Variants in ZFAND6 observed in about 807,000 individuals in gnomAD.
The protein encoded by ZFAND6 is AN1-type zinc finger protein 6.
ZFAND6 carries 12 observed loss-of-function variants against 24.5 expected under a neutral mutation model. The ratio of observed to expected loss-of-function variants is 0.49; its 90% CI spans 0.31 to 0.79. ZFAND6 has a LOEUF of 0.79. ZFAND6 is among the 30% of genes least tolerant of loss of function. The pLI is 0.04. For missense variants in ZFAND6, 207 were observed against 245.9 expected (o/e 0.84, Z 1.06); for synonymous variants, 92 against 81.5 (o/e 1.13, Z -0.69).
chr15:80,069,238 AAAATTTATGACTTAAAATCTT>A (rs1271403510), intron 1 of ZFAND6, among the ~76,000 whole-genome samples: 1 of 152,216 alleles, frequency 6.6e-6, no homozygotes, highest in Non-Finnish European at 1.5e-5. Flanking sequence ...TTGGCACATG[AAAATTTATGACTTAAAATCTT>A]AATAGTTGAG....
intron 2 of ZFAND6, among the ~76,000 whole-genome samples, chr15:80,105,826 G>A (rs998523987): frequency 2.0e-5 from 3 of 152,098 alleles, no homozygotes; most frequent in African/African-American, 4.8e-5. Context: ...GGTGTGTTAC[G>A]TTTTAACTGA....
chr15:80,080,197 A>G (rs773621684), intron 1 of ZFAND6, among the ~76,000 whole-genome samples: 23 of 151,678 alleles, frequency 1.5e-4, no homozygotes, highest in East Asian at 3.9e-4. Context: ...GGGTTTCACC[A>G]TGTTGGCCAG....
intron 2 of ZFAND6, among the ~76,000 whole-genome samples, chr15:80,102,429 G>T (rs1469856217): frequency 1.3e-5 from 2 of 152,114 alleles, no homozygotes; most frequent in Non-Finnish European, 2.9e-5. Context: ...AGTTACTTTT[G>T]AATAAAGGTA....
chr15:80,086,974 A>G (rs1171625419), intron 1 of ZFAND6, among the ~76,000 whole-genome samples: 1 of 152,208 alleles, frequency 6.6e-6, no homozygotes, highest in Non-Finnish European at 1.5e-5. Context: ...GTTCATCCAG[A>G]TTGTAGTATG....
intron 1 of ZFAND6, among the ~76,000 whole-genome samples, chr15:80,063,167 A>G (rs188113408): frequency 6.6e-6 from 1 of 152,358 alleles, no homozygotes. Flanking sequence ...AACGTTAGTC[A>G]CAAATGGGAG....
intron 1 of ZFAND6, among the ~76,000 whole-genome samples, chr15:80,091,291 A>G (rs1054639414): frequency 1.3e-5 from 2 of 152,064 alleles, no homozygotes; most frequent in African/African-American, 2.4e-5. Flanking sequence ...TAGAGGTGTT[A>G]TTGAGAAGAC....
intron 2 of ZFAND6, among the ~76,000 whole-genome samples, chr15:80,110,686 C>T (rs1193809148): frequency 6.6e-6 from 1 of 151,560 alleles, no homozygotes; most frequent in Non-Finnish European, 1.5e-5. Flanking sequence ...AGGAAAAGAC[C>T]CATACATGTA....
intron 1 of ZFAND6, chr15:80,060,351 CTT>C (rs971187839): frequency 2.0e-5 from 3 of 152,150 alleles, no homozygotes; most frequent in Admixed American, 6.5e-5. Flanking sequence ...GAATTGGTCT[CTT>C]TTTTTCCTGC....
intron 1 of ZFAND6, among the ~76,000 whole-genome samples, chr15:80,064,598 A>G (rs906033394): frequency 2.3e-5 from 2 of 86,472 alleles, no homozygotes; most frequent in African/African-American, 9.0e-5. Context: ...ATATATACAC[A>G]TGTATACATA....
intron 2 of ZFAND6, among the ~76,000 whole-genome samples, chr15:80,105,801 T>A (rs1249250660): frequency 1.3e-5 from 2 of 152,234 alleles, no homozygotes; most frequent in Admixed American, 6.5e-5. Context: ...ATGCATTTGT[T>A]AGTCATCCCT....
chr15:80,081,756 G>C (rs1398060131), intron 1 of ZFAND6, among the ~76,000 whole-genome samples: 2 of 152,168 alleles, frequency 1.3e-5, no homozygotes, highest in Admixed American at 6.5e-5. Context: ...ACTATGTAGA[G>C]AGAAACTTTG....
chr15:80,085,512 T>G (rs918244311), intron 1 of ZFAND6, among the ~76,000 whole-genome samples: 5 of 152,232 alleles, frequency 3.3e-5, no homozygotes, highest in Non-Finnish European at 5.9e-5. Flanking sequence ...CAGTTCCACT[T>G]CTGAACTTTT....
chr15:80,113,226 T>C (rs1009922480), intron 2 of ZFAND6, among the ~76,000 whole-genome samples: 2 of 152,248 alleles, frequency 1.3e-5, no homozygotes, highest in Admixed American at 6.5e-5. Flanking sequence ...GAGTACAGGC[T>C]CTGCCCAGTA....
intron 1 of ZFAND6, among the ~76,000 whole-genome samples, chr15:80,086,402 A>G (rs1360615008): frequency 6.6e-6 from 1 of 152,220 alleles, no homozygotes; most frequent in Non-Finnish European, 1.5e-5. Flanking sequence ...ATAAGTGTTC[A>G]GTATTTTTTA....
chr15:80,120,288 T>TA (rs2040089347), intron 2 of ZFAND6, 40 bp from the exon 3 acceptor site: 2 of 1,410,702 alleles, frequency 1.4e-6, no homozygotes, highest in African/African-American at 1.5e-5. Flanking sequence ...GATTGGAAGT[T>TA]ACGTGTCTGA....
chr15:80,088,344 G>T (rs1293758282), intron 1 of ZFAND6, among the ~76,000 whole-genome samples: 3 of 152,106 alleles, frequency 2.0e-5, no homozygotes, highest in Non-Finnish European at 4.4e-5. Flanking sequence ...AAGGTGGGTG[G>T]ATTACCTGAG....
Position 80,121,825 on chromosome 15 carries a change from G to C in ZFAND6, c.263+5G>C. The C allele has an allele frequency of 6.2e-7, 1 of 1,608,164 alleles. No individual in the cohort carries two copies. Reference sequence around the variant, plus strand: ...ATCTTCATCTATGCAGCCCAGGTAAGATGTACTCTCTGAATTCTAATGAGA... The same window carrying C: ...ATCTTCATCTATGCAGCCCAGGTAACATGTACTCTCTGAATTCTAATGAGA... On this transcript the variant is annotated splice_donor_5th_base_variant and intron_variant, in intron 4 of 6. Transcript: ENST00000261749.
At chr15:80,116,073 T>C (rs2039862647) in intron 2 of ZFAND6, among the ~76,000 whole-genome samples, 1 of 151,796 alleles carries the variant, frequency 6.6e-6, no homozygotes, top group South Asian at 2.1e-4. Flanking sequence ...ATTTTTTCCC[T>C]AAGGAGCCTT....
chr15:80,119,813 T>A (rs2040067591), intron 2 of ZFAND6, among the ~76,000 whole-genome samples: 1 of 152,202 alleles, frequency 6.6e-6, no homozygotes, highest in Non-Finnish European at 1.5e-5. Context: ...ACCAATTTAT[T>A]ATCATTTTAC....
Sources: allele counts gnomAD v4.1 joint callset (sites outside exome capture counted in the v4.1 genomes callset), GRCh38; gene constraint gnomAD v4.1.1; transcripts MANE v1.5; gene names NCBI Gene and HGNC (gene_info 2026-07-23, HGNC 2026-07-21).